CNTNAP2: variants seen among roughly 807,000 people sequenced by gnomAD.
CNTNAP2 encodes contactin-associated protein-like 2.
In CNTNAP2, 98 loss-of-function variants were observed where a neutral mutation model predicts 155.2. The observed-to-expected ratio is 0.63, with a 90% CI of 0.54 to 0.75. The LOEUF (loss-of-function observed/expected upper bound fraction) is 0.75. CNTNAP2 is among the 30% of genes least tolerant of loss of function. The pLI, the probability that CNTNAP2 is intolerant of heterozygous loss-of-function variation, is 0.00. For missense variants in CNTNAP2, 1,727 were observed against 1,688.1 expected (o/e 1.02, Z -0.40); for synonymous variants, 651 against 631.2 (o/e 1.03, Z -0.47).
intron 12 of CNTNAP2, among the ~76,000 whole-genome samples, chr7:147,575,874 C>T (rs1303404690): frequency 6.6e-6 from 1 of 151,550 alleles, no homozygotes; most frequent in Non-Finnish European, 1.5e-5. Context: ...TCACAATAAC[C>T]CTGAGAAGTA....
chr7:147,800,841 CAT>C (rs921790269), intron 13 of CNTNAP2, among the ~76,000 whole-genome samples: 11 of 152,250 alleles, frequency 7.2e-5, no homozygotes, highest in African/African-American at 2.2e-4. Flanking sequence ...TAGATATACA[CAT>C]AGTTACTATT....
At chr7:148,198,399 A>C (rs966046348) in intron 18 of CNTNAP2, among the ~76,000 whole-genome samples, 3 of 152,316 alleles carry the variant, frequency 2.0e-5, no homozygotes, top group African/African-American at 4.8e-5. Context: ...CGAGTATCTA[A>C]TGTAGATTCT....
At chr7:146,678,222 C>T (rs1800437814) in intron 1 of CNTNAP2, among the ~76,000 whole-genome samples, 1 of 151,454 alleles carries the variant, frequency 6.6e-6, no homozygotes, top group Non-Finnish European at 1.5e-5. Context: ...GCGACCACCG[C>T]CACACCTAGC....
intron 3 of CNTNAP2, among the ~76,000 whole-genome samples, chr7:146,929,035 T>A (rs1210543931): frequency 1.3e-5 from 2 of 152,188 alleles, no homozygotes; most frequent in African/African-American, 2.4e-5. Context: ...AAGACAGCAG[T>A]AACCTCTGCA....
chr7:147,100,341 T>C (rs1800629132), intron 4 of CNTNAP2, among the ~76,000 whole-genome samples: 1 of 152,234 alleles, frequency 6.6e-6, no homozygotes, highest in African/African-American at 2.4e-5. Context: ...ACATTTTTTA[T>C]GGAGTAAGTC....
chr7:147,231,095 T>G (rs900655644), intron 8 of CNTNAP2, among the ~76,000 whole-genome samples: 1 of 152,164 alleles, frequency 6.6e-6, no homozygotes, highest in Non-Finnish European at 1.5e-5. Flanking sequence ...CAAACACTTT[T>G]AAAACATCAG....
chr7:147,978,017 C>T, intron 15 of CNTNAP2, 28 bp downstream of exon 15: 1 of 1,613,264 alleles, frequency 6.2e-7, no homozygotes, highest in Non-Finnish European at 8.5e-7. Flanking sequence ...CTATGGCTTG[C>T]ACTTTCTTAT....
chr7:148,310,515 A>G (rs1348933934), intron 21 of CNTNAP2, among the ~76,000 whole-genome samples: 1 of 152,230 alleles, frequency 6.6e-6, no homozygotes, highest in Non-Finnish European at 1.5e-5. Flanking sequence ...CGAGAGCAAT[A>G]GTAGAGGCAG....
intron 15 of CNTNAP2, among the ~76,000 whole-genome samples, chr7:148,024,614 C>A (rs762400704): frequency 3.4e-4 from 52 of 152,256 alleles, no homozygotes; most frequent in Admixed American, 2.7e-3. Context: ...ATGTTATTAC[C>A]ATGCTGCTAA....
chr7:147,648,353 T>G (rs1294244946), intron 13 of CNTNAP2, among the ~76,000 whole-genome samples: 1 of 152,178 alleles, frequency 6.6e-6, no homozygotes, highest in Non-Finnish European at 1.5e-5. Flanking sequence ...ACAATACCAT[T>G]CTAGACATTT....
intron 15 of CNTNAP2, among the ~76,000 whole-genome samples, chr7:148,104,467 C>A (rs1276404895): frequency 6.6e-6 from 1 of 152,194 alleles, no homozygotes; most frequent in African/African-American, 2.4e-5. Flanking sequence ...TCTATCAACA[C>A]ATAAAGGCTG....
At chr7:147,129,127 T>C (rs762621290) in intron 7 of CNTNAP2, among the ~76,000 whole-genome samples, 7 of 152,190 alleles carry the variant, frequency 4.6e-5, no homozygotes, top group Non-Finnish European at 8.8e-5. Context: ...ATCCCAGCAG[T>C]TAGCAGCCCT....
intron 9 of CNTNAP2, among the ~76,000 whole-genome samples, chr7:147,375,580 T>C (rs1475328649): frequency 6.6e-6 from 1 of 152,002 alleles, no homozygotes; most frequent in Non-Finnish European, 1.5e-5. Context: ...AGTTTTATCT[T>C]CTATACCTTA....
intron 15 of CNTNAP2, among the ~76,000 whole-genome samples, chr7:147,982,874 A>C (rs1801554885): frequency 6.6e-6 from 1 of 151,888 alleles, no homozygotes; most frequent in Non-Finnish European, 1.5e-5. Flanking sequence ...AAAAATTAGC[A>C]GGGTGTGCTG....
intron 2 of CNTNAP2, among the ~76,000 whole-genome samples, chr7:146,798,677 G>A (rs1802814696): frequency 1.3e-5 from 2 of 152,106 alleles, no homozygotes; most frequent in Non-Finnish European, 2.9e-5. Context: ...ATGCAATTAT[G>A]ACATGAAATA....
intron 1 of CNTNAP2, among the ~76,000 whole-genome samples, chr7:146,628,005 T>C (rs1040053328): frequency 2.0e-5 from 3 of 152,164 alleles, no homozygotes; most frequent in African/African-American, 7.2e-5. Flanking sequence ...CACGTATATC[T>C]TTGTGATTTA....
At chr7:147,799,744 T>C (rs565146872) in intron 13 of CNTNAP2, among the ~76,000 whole-genome samples, 7 of 152,320 alleles carry the variant, frequency 4.6e-5, no homozygotes, top group Admixed American at 1.3e-4. Context: ...CCAGAAGCTA[T>C]GGGTAAACCT....
At chr7:147,913,180 A>G (rs1800097572) in intron 14 of CNTNAP2, among the ~76,000 whole-genome samples, 1 of 152,234 alleles carries the variant, frequency 6.6e-6, no homozygotes, top group African/African-American at 2.4e-5. Context: ...TTCCAGGGAT[A>G]AGCCAGTTTA....
At chr7:146,496,507 A>G (rs1194710006) in intron 1 of CNTNAP2, among the ~76,000 whole-genome samples, 2 of 152,210 alleles carry the variant, frequency 1.3e-5, no homozygotes, top group Admixed American at 6.5e-5. Context: ...ATGAACTAGA[A>G]TAAAATAGCA....
Sources: allele counts gnomAD v4.1 joint callset (sites outside exome capture counted in the v4.1 genomes callset), GRCh38; gene constraint gnomAD v4.1.1; transcripts MANE v1.5; gene names NCBI Gene and HGNC (gene_info 2026-07-23, HGNC 2026-07-21).